Variants in DNER observed in about 807,000 individuals in gnomAD.
DNER encodes the protein delta and Notch-like epidermal growth factor-related receptor.
In DNER, 33 loss-of-function variants were observed where a neutral mutation model predicts 78.2. That is an observed-to-expected ratio of 0.42 (90% CI 0.32 to 0.56). DNER has a LOEUF of 0.56. Ranked by LOEUF, DNER falls within the 20% of genes least tolerant of loss-of-function variation. DNER has a pLI of 0.11. For synonymous variants in DNER, 417 were observed against 384.8 expected, an observed-to-expected ratio of 1.08 and a Z score of -0.98; for missense variants, 918 against 975.3, an observed-to-expected ratio of 0.94 and a Z score of 0.78.
At chr2:229,558,652 G>T (rs1026717413) in intron 4 of DNER, among the ~76,000 whole-genome samples, 1 of 152,196 alleles carries the variant, frequency 6.6e-6, no homozygotes. Flanking sequence ...ATGAGTCCAT[G>T]TAAGGACTGG....
intron 5 of DNER, among the ~76,000 whole-genome samples, chr2:229,543,718 T>C (rs115558135): frequency 9.0e-4 from 137 of 152,268 alleles, no homozygotes; most frequent in African/African-American, 3.1e-3. Context: ...TGGCTTTTCT[T>C]AGTCTCTCAC....
chr2:229,501,476 A>C (rs565948013), intron 6 of DNER, among the ~76,000 whole-genome samples: 4 of 152,240 alleles, frequency 2.6e-5, no homozygotes, highest in African/African-American at 9.6e-5. Flanking sequence ...AAATTAAAGC[A>C]AAAATGTCAA....
intron 5 of DNER, among the ~76,000 whole-genome samples, chr2:229,543,951 G>C (rs1696567847): frequency 6.6e-6 from 1 of 151,872 alleles, no homozygotes; most frequent in African/African-American, 2.4e-5. Flanking sequence ...CATCTCCATA[G>C]CAGCATCGAC....
chr2:229,491,679 C>T (rs150122166), intron 6 of DNER, among the ~76,000 whole-genome samples: 1 of 152,230 alleles, frequency 6.6e-6, no homozygotes, highest in Non-Finnish European at 1.5e-5. Context: ...TTCTTCATCC[C>T]TTTACCCTGT....
chr2:229,456,342 C>A (rs1382572845), intron 7 of DNER, among the ~76,000 whole-genome samples: 1 of 151,580 alleles, frequency 6.6e-6, no homozygotes, highest in Non-Finnish European at 1.5e-5. Flanking sequence ...GATCCAAACA[C>A]CTCCCACCAG....
intron 7 of DNER, among the ~76,000 whole-genome samples, chr2:229,462,386 G>A (rs1694721259): frequency 1.3e-5 from 2 of 152,060 alleles, no homozygotes; most frequent in African/African-American, 4.8e-5. Context: ...ATGTGTATAG[G>A]CATTTTAAAC....
chr2:229,672,184 G>A (rs1049295674), intron 1 of DNER, among the ~76,000 whole-genome samples: 6 of 152,152 alleles, frequency 3.9e-5, no homozygotes, highest in Non-Finnish European at 5.9e-5. Context: ...CTGGCAGCAC[G>A]GCGGCCAAGG....
intron 5 of DNER, among the ~76,000 whole-genome samples, chr2:229,515,712 C>T (rs1246954662): frequency 6.7e-6 from 1 of 148,368 alleles, no homozygotes; most frequent in East Asian, 2.0e-4. Context: ...ACAATCTCAG[C>T]TCACTGCAAT....
chr2:229,438,186 G>A (rs1458089917), intron 8 of DNER, among the ~76,000 whole-genome samples: 2 of 152,220 alleles, frequency 1.3e-5, no homozygotes, highest in Non-Finnish European at 2.9e-5. Context: ...AATACCCTTG[G>A]AAGTCAGAGT....
chr2:229,711,275 G>A (rs930257725), intron 1 of DNER, among the ~76,000 whole-genome samples: 3 of 152,068 alleles, frequency 2.0e-5, no homozygotes, highest in Admixed American at 6.6e-5. Context: ...GAAGGGGAGA[G>A]GTGAGGCTTT....
chr2:229,586,560 C>A, intron 3 of DNER: 77 of 179,076 alleles, frequency 4.3e-4, no homozygotes, highest in Non-Finnish European at 5.9e-4. Context: ...ACACACAAAA[C>A]CACCCCACAG....
At chr2:229,601,591 T>A (rs1454186337) in intron 1 of DNER, among the ~76,000 whole-genome samples, 1 of 152,242 alleles carries the variant, frequency 6.6e-6, no homozygotes, top group Non-Finnish European at 1.5e-5. Flanking sequence ...TCAGCTTTCT[T>A]GAAACCAGCT....
rs530602043 is a variant in DNER, at chr2:229,692,321, T to A, written c.276+21827A>T. ...CTAAAGTTCTTGCAGGAGTGCTTAG[T>A]GCATGCATATTTAAGATACTGTATA... On this transcript the variant is annotated intron_variant, in intron 1 of 12. Transcript: ENST00000341772. Among the ~76,000 whole-genome samples the A allele has an allele frequency of 9.8e-5, 15 of 152,348 alleles. 1 individual carries two copies. The South Asian group carries it at 2.7e-3, about 27-fold the overall frequency.
At chr2:229,567,074 C>T (rs184312927) in intron 4 of DNER, among the ~76,000 whole-genome samples, 1 of 152,328 alleles carries the variant, frequency 6.6e-6, no homozygotes, top group East Asian at 1.9e-4. Flanking sequence ...TGCACTCCCT[C>T]CAACAACAGG....
intron 11 of DNER, among the ~76,000 whole-genome samples, chr2:229,369,090 T>C (rs181537723): frequency 1.4e-4 from 22 of 152,296 alleles, no homozygotes; most frequent in African/African-American, 5.1e-4. Context: ...GAGCTTCGGT[T>C]TCTTTGTTTG....
chr2:229,380,476 T>C (rs979926589), intron 11 of DNER, among the ~76,000 whole-genome samples: 2 of 152,158 alleles, frequency 1.3e-5, no homozygotes, highest in African/African-American at 2.4e-5. Flanking sequence ...TATGCAACTT[T>C]CCCAGGAAAA....
chr2:229,499,730 A>G (rs970205734), intron 6 of DNER, among the ~76,000 whole-genome samples: 1 of 152,152 alleles, frequency 6.6e-6, no homozygotes, highest in South Asian at 2.1e-4. Flanking sequence ...GGATTACATC[A>G]AACTAAAAAG....
intron 5 of DNER, among the ~76,000 whole-genome samples, chr2:229,543,871 C>T (rs1477049576): frequency 2.0e-5 from 3 of 152,156 alleles, no homozygotes; most frequent in South Asian, 2.1e-4. Flanking sequence ...CTCTTTCTTC[C>T]GTTACCTAAC....
chr2:229,390,712 T>G (rs576041118), intron 10 of DNER, among the ~76,000 whole-genome samples: 1 of 152,366 alleles, frequency 6.6e-6, no homozygotes, highest in Admixed American at 6.5e-5. Context: ...ACACTGGGGA[T>G]TAAATGACGC....
Sources: allele counts gnomAD v4.1 joint callset (sites outside exome capture counted in the v4.1 genomes callset), GRCh38; gene constraint gnomAD v4.1.1; transcripts MANE v1.5; gene names NCBI Gene and HGNC (gene_info 2026-07-23, HGNC 2026-07-21).